SIK3: variants seen among roughly 807,000 people sequenced by gnomAD.
SIK3 encodes SIK family kinase 3.
In SIK3, 28 loss-of-function variants were observed where a neutral mutation model predicts 144.2. The ratio of observed to expected loss-of-function variants is 0.19; its 90% CI spans 0.14 to 0.27. SIK3 has a LOEUF of 0.27. SIK3 is among the 10% of genes least tolerant of loss of function. The pLI is 1.00. For missense variants in SIK3, 1,319 were observed against 1,776.0 expected, an observed-to-expected ratio of 0.74 and a Z score of 4.62; for synonymous variants, 686 against 676.3, an observed-to-expected ratio of 1.01 and a Z score of -0.22.
At chr11:117,055,291 T>C (rs937183767) in intron 1 of SIK3, among the ~76,000 whole-genome samples, 11 of 152,252 alleles carry the variant, frequency 7.2e-5, no homozygotes, top group African/African-American at 2.7e-4. Context: ...TTGTTACTAT[T>C]CCTATTATTA....
At chr11:116,865,387 T>C (rs891327567) in intron 15 of SIK3, among the ~76,000 whole-genome samples, 1 of 152,152 alleles carries the variant, frequency 6.6e-6, no homozygotes, top group South Asian at 2.1e-4. Flanking sequence ...CCCAGGTCAG[T>C]CCAGCACAGT....
At chr11:117,074,778 T>G (rs899318250) in intron 1 of SIK3, among the ~76,000 whole-genome samples, 1 of 151,198 alleles carries the variant, frequency 6.6e-6, no homozygotes, top group Non-Finnish European at 1.5e-5. Flanking sequence ...CAAAAAAAAA[T>G]TAGCCAGGTG....
chr11:116,988,034 C>T (rs936467670), intron 1 of SIK3, among the ~76,000 whole-genome samples: 2 of 152,188 alleles, frequency 1.3e-5, no homozygotes, highest in African/African-American at 4.8e-5. Flanking sequence ...TCTAACCTAA[C>T]CCCTTTGTTT....
intron 1 of SIK3, among the ~76,000 whole-genome samples, chr11:116,981,067 C>T (rs1591472465): frequency 6.6e-6 from 1 of 152,110 alleles, no homozygotes; most frequent in Non-Finnish European, 1.5e-5. Context: ...TGGTTACCAC[C>T]GATGTTTAGT....
At chr11:116,965,761 ATATATATATATATATATATAT>A (rs1565507663) in intron 1 of SIK3, among the ~76,000 whole-genome samples, 31 of 85,446 alleles carry the variant, frequency 3.6e-4, no homozygotes, top group African/African-American at 1.7e-3. Context: ...ATATATATAT[ATATATATATATATATATATAT>A]AAATTAGCCA....
chr11:117,057,234 T>A (rs1036641382), intron 1 of SIK3, among the ~76,000 whole-genome samples: 7 of 152,224 alleles, frequency 4.6e-5, no homozygotes, highest in Admixed American at 3.9e-4. Context: ...CACCTGGAAG[T>A]ATAAAACGTT....
intron 4 of SIK3, among the ~76,000 whole-genome samples, chr11:116,924,408 C>T (rs147400122): frequency 6.5e-4 from 99 of 152,038 alleles, no homozygotes; most frequent in African/African-American, 1.8e-3. Flanking sequence ...GGTCAGCGGA[C>T]GGAAAATAAA....
intron 1 of SIK3, among the ~76,000 whole-genome samples, chr11:117,025,716 T>A (rs1321570327): frequency 6.6e-6 from 1 of 152,078 alleles, no homozygotes; most frequent in Non-Finnish European, 1.5e-5. Context: ...ACAGATGTGA[T>A]CCACCACACC....
chr11:116,847,857 T>C (rs1942110322), intron 22 of SIK3, among the ~76,000 whole-genome samples: 1 of 152,200 alleles, frequency 6.6e-6, no homozygotes, highest in African/African-American at 2.4e-5. Context: ...TGGTGACATC[T>C]TGATACCTAC....
At chr11:117,040,302 C>T (rs1952682707) in intron 1 of SIK3, among the ~76,000 whole-genome samples, 1 of 152,180 alleles carries the variant, frequency 6.6e-6, no homozygotes, top group African/African-American at 2.4e-5. Context: ...TCTACTTCTT[C>T]ACTACATTAA....
intron 1 of SIK3, among the ~76,000 whole-genome samples, chr11:117,095,003 A>G (rs559490563): frequency 2.0e-5 from 3 of 152,048 alleles, no homozygotes; most frequent in Non-Finnish European, 4.4e-5. Context: ...ACCAACAACC[A>G]AATAGGAAAA....
rs151047148 is a variant in SIK3 at position 116,896,274 on chromosome 11, T to G, written c.844A>C (p.Ile282Leu). The G allele has an allele frequency of 6.2e-7, 1 of 1,613,694 alleles. No individual in the cohort carries two copies. Among genetic ancestry groups the G allele is most frequent in the African/African-American group, 1.3e-5 (1 of 74,920 alleles). ...RARVLSGKFR[I>L]PFFMSTECEH... Reference sequence around the variant, plus strand: ...TTACCTGTGGACATAAAAAATGGGATGCGGAACTTTCCACTCAGCACGCGG... The same window carrying G: ...TTACCTGTGGACATAAAAAATGGGAGGCGGAACTTTCCACTCAGCACGCGG... The change falls in exon 6 of 25, where the codon ATC becomes CTC. Residue 282 changes from isoleucine (I) to leucine (L), a missense_variant. This residue lies in a region of SIK3 where 125 missense variants were observed against 285.2 expected (regional missense o/e 0.44). Transcript: ENST00000445177.
chr11:117,044,002 G>A (rs373625988), intron 1 of SIK3, among the ~76,000 whole-genome samples: 5 of 152,150 alleles, frequency 3.3e-5, no homozygotes, highest in Non-Finnish European at 7.4e-5. Flanking sequence ...AGTAATGTTC[G>A]TTTTGAGATG....
At chr11:117,068,344 T>G (rs947083462) in intron 1 of SIK3, among the ~76,000 whole-genome samples, 10 of 152,172 alleles carry the variant, frequency 6.6e-5, no homozygotes, top group Non-Finnish European at 1.0e-4. Context: ...TCATCTATTC[T>G]CCACCAAACA....
rs118178659 is a variant in SIK3 at position 116,857,467 on chromosome 11, T to A, written c.3655+343A>T. 3.4e-4 allele frequency: 90 copies of A among 268,114 alleles called. No individual in the cohort carries two copies. The East Asian group carries it at 7.7e-3, about 23-fold the overall frequency. The allele number at this position is 268,114 out of a possible 1,614,324, so 16.6% of individuals were successfully genotyped here. A position where few individuals can be genotyped will look rare whatever the true frequency, so the allele number is the denominator to read the frequency against. ...TTGTTCCCACACTATTTACACTAAA[T>A]TATGTTGGGCTGACTTTTTTTCTAT... On this transcript the variant is annotated intron_variant, in intron 21 of 24. Coordinates refer to ENST00000445177, the MANE Select transcript of SIK3 (RefSeq NM_001366686.3).
At chr11:116,982,063 G>A (rs1253528799) in intron 1 of SIK3, among the ~76,000 whole-genome samples, 1 of 152,102 alleles carries the variant, frequency 6.6e-6, no homozygotes, top group Admixed American at 6.5e-5. Context: ...ATCCAAGACA[G>A]TAAGAGGCAA....
intron 4 of SIK3, among the ~76,000 whole-genome samples, chr11:116,926,247 G>A (rs980710528): frequency 2.0e-5 from 3 of 152,216 alleles, no homozygotes; most frequent in African/African-American, 7.2e-5. Flanking sequence ...ATACCGGAAA[G>A]TGTCGGCAAA....
chr11:117,098,317 C>T lies in SIK3; in HGVS notation c.99G>A (p.Gly33=). 6 of 1,160,736 alleles carry T rather than the reference C, an allele frequency of 5.2e-6. No individual in the cohort carries two copies. The highest frequency in any genetic ancestry group is 1.6e-5 in the African/African-American group (1 of 61,224). The allele number at this position is 1,160,736 out of a possible 1,614,324, so 71.9% of individuals were successfully genotyped here. The change falls in exon 1 of 25, where the codon GGG becomes GGA. Residue 33 remains glycine (G), a synonymous_variant. Coordinates refer to ENST00000445177, the MANE Select transcript of SIK3 (RefSeq NM_001366686.3). ...ACACGGCAGCGGGGGCGGCTGGGGA[C>T]CCCGGCGCGGGCGGAGGCAGCAGGC... is the stretch of plus-strand genomic sequence containing the variant. The part of the protein sequence containing the change: ...AGRLLPPPAP[G]SPAAPAAVSP...
intron 6 of SIK3, among the ~76,000 whole-genome samples, chr11:116,891,970 T>C (rs1945145464): frequency 6.6e-6 from 1 of 152,182 alleles, no homozygotes; most frequent in Non-Finnish European, 1.5e-5. Context: ...GGTCAGATGG[T>C]GATGCTATTC....
Sources: gnomAD v4.1 joint callset for allele counts (sites outside exome capture counted in the v4.1 genomes callset) on GRCh38, gnomAD v4.1.1 for gene constraint, gnomAD v4.1.1 regional missense constraint, MANE v1.5 for transcripts, NCBI Gene and HGNC (gene_info 2026-07-23, HGNC 2026-07-21) for gene names.